The following RYR3 variants were observed in gnomAD, a reference collection of about 807,000 sequenced individuals.
The protein encoded by RYR3 is brain ryanodine receptor-calcium release channel.
RYR3 carries 207 observed loss-of-function variants against 584.3 expected under a neutral mutation model. The ratio of observed to expected loss-of-function variants is 0.35; its 90% CI spans 0.32 to 0.40. The LOEUF (loss-of-function observed/expected upper bound fraction) is 0.40. Among genes scored for constraint, RYR3 ranks in the 10% least tolerant of loss-of-function variants. The pLI is 1.00. For synonymous variants in RYR3, 2,416 were observed against 2,248.5 expected, an observed-to-expected ratio of 1.07 and a Z score of -2.11; for missense variants, 5,616 against 6,089.2, an observed-to-expected ratio of 0.92 and a Z score of 2.59.
chr15:33,577,459 G>A (rs1185050873), intron 12 of RYR3, among the ~76,000 whole-genome samples: 2 of 151,996 alleles, frequency 1.3e-5, no homozygotes, highest in Admixed American at 6.6e-5. Context: ...TCAGAAATAA[G>A]ACCGCACATC....
At chr15:33,788,167 C>T (rs1373316278) in intron 66 of RYR3, 51 bp from the exon 67 acceptor site, 1 of 1,607,356 alleles carries the variant, frequency 6.2e-7, no homozygotes. Flanking sequence ...CTTTCATTTT[C>T]ATCAATTGCC....
chr15:33,538,495 A>G (rs994411655), intron 5 of RYR3, among the ~76,000 whole-genome samples: 1 of 152,190 alleles, frequency 6.6e-6, no homozygotes, highest in African/African-American at 2.4e-5. Flanking sequence ...TTGTTTGACA[A>G]TGTCTGGTAT....
At chr15:33,857,151 C>A (rs1197773809) in intron 98 of RYR3, among the ~76,000 whole-genome samples, 1 of 152,108 alleles carries the variant, frequency 6.6e-6, no homozygotes, top group Non-Finnish European at 1.5e-5. Flanking sequence ...CTTGGGCTGC[C>A]AGAACGAAGT....
At chr15:33,765,602 C>T (rs938275633) in intron 60 of RYR3, among the ~76,000 whole-genome samples, 12 of 137,386 alleles carry the variant, frequency 8.7e-5, no homozygotes, top group African/African-American at 3.0e-4. Context: ...CACTGCACTC[C>T]AGCCTCGCCA....
chr15:33,623,928 T>A lies in RYR3; in HGVS notation c.2479T>A (p.Tyr827Asn). The A allele has an allele frequency of 6.2e-7, 1 of 1,613,974 alleles. No individual in the cohort carries two copies. Among genetic ancestry groups the A allele is most frequent in the Non-Finnish European group, 8.5e-7 (1 of 1,179,870 alleles). ...GATGAGATTGGAGCCTGTCAAAGAA[T>A]ATAAACGTGATGCTGATGGCATTAG... Reference protein sequence around the residue: ...EKMRLEPVKEYKRDADGIRDL... With the variant: ...EKMRLEPVKENKRDADGIRDL... The change falls in exon 20 of 104, where the codon TAT (tyrosine) becomes AAT (asparagine). Residue 827 changes from tyrosine to asparagine, a missense_variant. By Grantham distance (143) the Tyr-to-Asn change is moderately radical. Coordinates refer to ENST00000634891, the MANE Select transcript of RYR3 (RefSeq NM_001036.6).
At chr15:33,586,180 T>C (rs2058838019) in intron 16 of RYR3, 64 bp downstream of exon 16, 2 of 962,030 alleles carry the variant, frequency 2.1e-6, no homozygotes, top group South Asian at 1.3e-5. Flanking sequence ...TTCATGACCA[T>C]TGTGTTTTAC....
intron 2 of RYR3, among the ~76,000 whole-genome samples, chr15:33,501,183 C>G (rs1183557150): frequency 6.6e-6 from 1 of 152,132 alleles, no homozygotes; most frequent in Admixed American, 6.5e-5. Context: ...TTGTGAGCAC[C>G]TGGGGACTTT....
chr15:33,807,816 C>G, intron 70 of RYR3: 1 of 550,590 alleles, frequency 1.8e-6, no homozygotes, highest in Non-Finnish European at 3.3e-6. Context: ...CTTGCTATCT[C>G]TGCTCCCTTC....
At chr15:33,425,093 C>A (rs1487292079) in intron 1 of RYR3, among the ~76,000 whole-genome samples, 1 of 152,178 alleles carries the variant, frequency 6.6e-6, no homozygotes, top group Non-Finnish European at 1.5e-5. Context: ...TCAACAGACT[C>A]CTTAAAAGTG....
chr15:33,391,347 G>A (rs894501734), intron 1 of RYR3, among the ~76,000 whole-genome samples: 25 of 152,134 alleles, frequency 1.6e-4, no homozygotes, highest in African/African-American at 5.8e-4. Flanking sequence ...TAAAATTTGG[G>A]CCAGGTGCGG....
chr15:33,441,064 C>T (rs2046191301), intron 1 of RYR3, among the ~76,000 whole-genome samples: 1 of 152,178 alleles, frequency 6.6e-6, no homozygotes. Flanking sequence ...TGGTTTCTGT[C>T]ATTATCAAGC....
rs547197397 is a variant in RYR3 at position 33,826,353 on chromosome 15, T to G, written c.11164+84T>G. On this transcript the variant is annotated intron_variant, in intron 83 of 103. Transcript: ENST00000634891. The stretch of plus-strand genomic sequence containing the variant: ...TAATTGCCTCAGCACAGAAACATTT[T>G]AGGCTTGGTAGTTGCATGTTGAGTT... 4.0e-5 allele frequency: 55 copies of G among 1,376,442 alleles called. 1 individual carries two copies. In the Admixed American group the frequency reaches 8.9e-4, roughly 22 times the overall value. 85.3% of individuals were successfully genotyped at this position (1,376,442 alleles called of 1,614,324 possible).
At chr15:33,694,147 C>G (rs549444601) in intron 38 of RYR3, among the ~76,000 whole-genome samples, 5 of 141,306 alleles carry the variant, frequency 3.5e-5, no homozygotes, top group African/African-American at 1.2e-4. Flanking sequence ...CACTATCATC[C>G]TAATATCATG....
intron 27 of RYR3, among the ~76,000 whole-genome samples, chr15:33,638,465 T>C (rs574179395): frequency 6.6e-5 from 10 of 152,230 alleles, no homozygotes; most frequent in African/African-American, 2.4e-4. Context: ...AGGTTACTTG[T>C]CTGTTGAACT....
Position 33,853,411 on chromosome 15 carries a change from CTCT to C in RYR3, c.13672-142_13672-140del, listed in dbSNP as rs544155137. ...TTCATTGCTTTTTTCTCTGGGTTTT[CTCT>C]TTTTTCTGCATTTTGAACTATGTCT... On this transcript the variant is annotated intron_variant, in intron 95 of 103. Transcript: ENST00000634891. 63 of 1,097,912 alleles carry C rather than the reference CTCT, an allele frequency of 5.7e-5. No individual in the cohort carries two copies. In the African/African-American group the frequency reaches 9.0e-4, roughly 16 times the overall value. The allele number at this position is 1,097,912 out of a possible 1,614,324, so 68.0% of individuals were successfully genotyped here.
chr15:33,789,664 T>A (rs1313636575), intron 67 of RYR3, among the ~76,000 whole-genome samples: 313 of 17,338 alleles, frequency 0.018, no homozygotes, highest in East Asian at 0.032. Context: ...ATATATTTTT[T>A]TTTTTTTTTT....
intron 1 of RYR3, among the ~76,000 whole-genome samples, chr15:33,383,337 G>T (rs184596558): frequency 1.1e-4 from 16 of 148,566 alleles, no homozygotes; most frequent in Middle Eastern, 3.4e-3. Context: ...ATAGAAAAAG[G>T]CCAGAAAAAT....
intron 103 of RYR3, 31 bp from the exon 104 acceptor site, chr15:33,865,100 A>AG: frequency 6.4e-7 from 1 of 1,558,140 alleles, no homozygotes. Flanking sequence ...TGTGGTTTAA[A>AG]AATAAGCACC....
intron 94 of RYR3, chr15:33,850,557 G>C (rs577189460): frequency 2.0e-5 from 3 of 150,280 alleles, no homozygotes; most frequent in Admixed American, 2.0e-4. Context: ...ATGTTAGATA[G>C]ACCAATGTTT....
Sources: gnomAD v4.1 joint callset for allele counts (sites outside exome capture counted in the v4.1 genomes callset) on GRCh38, gnomAD v4.1.1 for gene constraint, MANE v1.5 for transcripts, NCBI Gene and HGNC (gene_info 2026-07-23, HGNC 2026-07-21) for gene names.